Variants in FAM114A2 observed in about 807,000 individuals in gnomAD.
FAM114A2 encodes the protein family with sequence similarity 114 member A2.
FAM114A2 carries 53 observed loss-of-function variants against 58.4 expected under a neutral mutation model. The ratio of observed to expected loss-of-function variants is 0.91; its 90% CI spans 0.73 to 1.14. FAM114A2 has a LOEUF of 1.14. Among genes scored for constraint, FAM114A2 ranks in the 50% most tolerant of loss-of-function variants. The pLI, the probability that FAM114A2 is intolerant of heterozygous loss-of-function variation, is 0.00. For synonymous variants in FAM114A2, 228 were observed against 211.4 expected (o/e 1.08, Z -0.68); for missense variants, 601 against 581.1 (o/e 1.03, Z -0.35).
intron 9 of FAM114A2, 77 bp from the exon 10 acceptor site, chr5:154,003,046 T>C (rs532572073): frequency 6.8e-6 from 9 of 1,332,530 alleles, no homozygotes; most frequent in African/African-American, 1.4e-5. Context: ...AGGAACACAA[T>C]AGCATCCTAG....
chr5:154,002,143 G>T, intron 11 of FAM114A2, 108 bp downstream of exon 11: 1 of 912,800 alleles, frequency 1.1e-6, no homozygotes, highest in Non-Finnish European at 1.7e-6. Flanking sequence ...ATATGTGGAT[G>T]GGTGTGACGT....
intron 8 of FAM114A2, among the ~76,000 whole-genome samples, chr5:154,014,283 A>G (rs1016048809): frequency 1.3e-5 from 2 of 152,230 alleles, no homozygotes; most frequent in Non-Finnish European, 2.9e-5. Flanking sequence ...AGTAGGAGAG[A>G]TCATGGCGGA....
At position 153,994,982 on chromosome 5, in the gene FAM114A2, C is replaced by T. The variant is rs371626370; in HGVS notation, c.1330-10G>A. On this transcript the variant is annotated splice_polypyrimidine_tract_variant and intron_variant, in intron 12 of 13. Coordinates refer to ENST00000351797, the MANE Select transcript of FAM114A2 (RefSeq NM_018691.4). ...CTGCCATTTCTTTGACCTGGAATAA[C>T]GAATACATTTTTAAGTGAGCAGAGT... 171 of 1,598,278 alleles carry T rather than the reference C, an allele frequency of 1.1e-4. 1 individual carries two copies. In the Middle Eastern group the frequency reaches 1.3e-3, roughly 12 times the overall value.
chr5:154,000,169 G>C (rs1053435752), intron 11 of FAM114A2, among the ~76,000 whole-genome samples: 3 of 152,124 alleles, frequency 2.0e-5, no homozygotes, highest in Non-Finnish European at 2.9e-5. Flanking sequence ...ATAGAGAACA[G>C]AACAATTGTG....
At chr5:154,002,753 G>A (rs927205186) in intron 10 of FAM114A2, 94 bp downstream of exon 10, 15 of 1,230,742 alleles carry the variant, frequency 1.2e-5, no homozygotes, top group African/African-American at 4.5e-5. Flanking sequence ...TTGAAATTAC[G>A]GACAGCAGTG....
intron 8 of FAM114A2, among the ~76,000 whole-genome samples, chr5:154,024,543 T>C (rs1385066999): frequency 6.6e-5 from 10 of 152,140 alleles, no homozygotes; most frequent in Non-Finnish European, 1.2e-4. Flanking sequence ...TTTAAGTATA[T>C]GAAGAAAATC....
chr5:154,009,030 A>G (rs906001048), intron 9 of FAM114A2, among the ~76,000 whole-genome samples: 4 of 152,234 alleles, frequency 2.6e-5, no homozygotes, highest in Admixed American at 1.3e-4. Flanking sequence ...AACATAACAC[A>G]TATAGGTGTA....
intron 8 of FAM114A2, among the ~76,000 whole-genome samples, chr5:154,016,814 G>A (rs148510241): frequency 6.6e-6 from 1 of 151,840 alleles, no homozygotes; most frequent in East Asian, 1.9e-4. Context: ...TGGCCTAAAC[G>A]CTCCACTTAA....
rs1051527685 is a variant in FAM114A2, at chr5:153,991,242, T to C, written c.*1734A>G. The stretch of plus-strand genomic sequence containing the variant: ...CTCTCTCCTTCATATGTATACCCCA[T>C]TTCTTGAAAGAAAAACCTTAAATAC... On this transcript the variant is annotated 3_prime_UTR_variant, in exon 14 of 14. Coordinates refer to ENST00000351797, the MANE Select transcript of FAM114A2 (RefSeq NM_018691.4). 2 of 152,200 alleles carry C rather than the reference T, an allele frequency of 1.3e-5. No homozygotes were observed. Among genetic ancestry groups the C allele is most frequent in the Admixed American group, 6.5e-5 (1 of 15,272 alleles). The allele number at this position is 152,200 out of a possible 1,614,324, so 9.4% of individuals were successfully genotyped here.
intron 9 of FAM114A2, among the ~76,000 whole-genome samples, chr5:154,010,823 GCTCTGGGTAATGA>G (rs1175365286): frequency 6.6e-6 from 1 of 152,148 alleles, no homozygotes; most frequent in Non-Finnish European, 1.5e-5. Context: ...GAGTCACTGG[GCTCTGGGTAATGA>G]CAACCTCTAA....
intron 6 of FAM114A2, chr5:154,027,560 G>A (rs1470702473): frequency 5.4e-6 from 2 of 373,204 alleles, no homozygotes; most frequent in Admixed American, 8.6e-5. Flanking sequence ...GAGTGCAGTG[G>A]CACGATCTCT....
At chr5:154,036,718 G>C (rs1391971989) in intron 1 of FAM114A2, 1 of 152,042 alleles carries the variant, frequency 6.6e-6, no homozygotes, top group African/African-American at 2.4e-5. Flanking sequence ...CATGAACAAA[G>C]TACCTGAAAT....
At position 154,002,242 on chromosome 5, in the gene FAM114A2, T is replaced by C. The variant is rs748625813; in HGVS notation, c.1256+9A>G. 1 of 1,612,830 alleles carries C rather than the reference T, an allele frequency of 6.2e-7. No homozygotes were observed. The highest frequency in any genetic ancestry group is 1.1e-5 in the South Asian group (1 of 91,032). The stretch of plus-strand genomic sequence containing the variant: ...TTGCATCATTTAGAGGAATTCTCAT[T>C]ACACTTACTGGGAAAGAGTTTGGCT... On this transcript the variant is annotated intron_variant, in intron 11 of 13. Transcript: ENST00000351797.
At chr5:154,001,627 T>C (rs897664579) in intron 11 of FAM114A2, among the ~76,000 whole-genome samples, 6 of 152,218 alleles carry the variant, frequency 3.9e-5, no homozygotes, top group African/African-American at 1.2e-4. Flanking sequence ...ATTATTTTAA[T>C]CAGGACATTT....
chr5:154,027,429 G>A (rs1771867309), intron 6 of FAM114A2, 95 bp from the exon 7 acceptor site: 2 of 961,242 alleles, frequency 2.1e-6, no homozygotes, highest in East Asian at 2.8e-5. Context: ...ACAGGTTAGA[G>A]TACAGAGGAT....
At chr5:154,037,705 G>C (rs903247263) in intron 1 of FAM114A2, among the ~76,000 whole-genome samples, 6 of 152,048 alleles carry the variant, frequency 3.9e-5, no homozygotes, top group Non-Finnish European at 4.4e-5. Flanking sequence ...AAGACTGGAA[G>C]GACATACTCC....
Position 154,034,329 on chromosome 5 carries a change from T to TC in FAM114A2, c.258dup (p.Ser87GlufsTer39). The stretch of plus-strand genomic sequence containing the variant: ...GAGGAGAGTATGGACTTGCCCCAGC[T>TC]CCCCCAATAACCCCATCTGGTCTGG... On this transcript the variant is annotated frameshift_variant, in exon 3 of 14. Coordinates refer to ENST00000351797, the MANE Select transcript of FAM114A2 (RefSeq NM_018691.4). LOFTEE classifies it high-confidence loss of function. 6.2e-7 allele frequency: 1 copy of TC among 1,600,758 alleles called. No homozygotes were observed. The highest frequency in any genetic ancestry group is 8.5e-7 in the Non-Finnish European group (1 of 1,172,570).
At chr5:154,009,507 T>A (rs912864065) in intron 9 of FAM114A2, among the ~76,000 whole-genome samples, 4 of 152,118 alleles carry the variant, frequency 2.6e-5, no homozygotes, top group Non-Finnish European at 4.4e-5. Flanking sequence ...AAATGCTAGA[T>A]TTAGAAGAGA....
At chr5:154,020,722 G>C (rs1267007264) in intron 8 of FAM114A2, among the ~76,000 whole-genome samples, 1 of 152,170 alleles carries the variant, frequency 6.6e-6, no homozygotes, top group Non-Finnish European at 1.5e-5. Context: ...AAGGGACAAA[G>C]AGGAGCTGTT....
Sources: gnomAD v4.1 joint callset for allele counts (sites outside exome capture counted in the v4.1 genomes callset) on GRCh38, gnomAD v4.1.1 for gene constraint, MANE v1.5 for transcripts, NCBI Gene and HGNC (gene_info 2026-07-23, HGNC 2026-07-21) for gene names.